GAN: variants seen among roughly 807,000 people sequenced by gnomAD.
GAN encodes the protein epididymis secretory sperm binding protein.
In GAN, 48 loss-of-function variants were observed where a neutral mutation model predicts 71.3. The observed-to-expected ratio is 0.67, with a 90% CI of 0.53 to 0.86. The LOEUF (loss-of-function observed/expected upper bound fraction) is 0.86. Ranked by LOEUF, GAN falls within the 40% of genes least tolerant of loss-of-function variation. The probability of loss-of-function intolerance (pLI) is 0.00; values close to 1 mark genes in which losing one functional copy is unlikely to be tolerated. For synonymous variants in GAN, 386 were observed against 276.8 expected, an observed-to-expected ratio of 1.39 and a Z score of -3.92; for missense variants, 928 against 770.1, an observed-to-expected ratio of 1.21 and a Z score of -2.43.
chr16:81,336,577 C>T (rs1909769085), intron 1 of GAN, among the ~76,000 whole-genome samples: 2 of 152,152 alleles, frequency 1.3e-5, no homozygotes, highest in East Asian at 3.9e-4. Flanking sequence ...GATCCTCCCA[C>T]CTCAGCCTCT....
Position 81,351,822 on chromosome 16 carries a change from T to C in GAN, c.282+125T>C, listed in dbSNP as rs180907193. 34 of 722,194 alleles carry C rather than the reference T, an allele frequency of 4.7e-5. No individual in the cohort carries two copies. The Admixed American group carries it at 5.4e-4, about 11-fold the overall frequency. The allele number at this position is 722,194 out of a possible 1,614,324, so 44.7% of individuals were successfully genotyped here. A position where few individuals can be genotyped will look rare whatever the true frequency, so the allele number is the denominator to read the frequency against. On this transcript the variant is annotated intron_variant, in intron 2 of 10. Coordinates refer to ENST00000648994, the MANE Select transcript of GAN (RefSeq NM_022041.4). ...TCTTCATCTTCTGTCACTGTGTGCA[T>C]TGACTGACATTTCCTACTGGTAATG... is the stretch of plus-strand genomic sequence containing the variant.
At chr16:81,364,275 T>G (rs1322509942) in intron 7 of GAN, among the ~76,000 whole-genome samples, 1 of 152,154 alleles carries the variant, frequency 6.6e-6, no homozygotes, top group African/African-American at 2.4e-5. Flanking sequence ...TCTCTCTCTT[T>G]CCTTTTGTTG....
rs1436473151 is a variant in GAN at position 81,377,617 on chromosome 16, C to T, written c.*21C>T. ...CTTGAGGAGGAAGCAGAGCAGAGTG[C>T]GAGATCCTGACCCAAGAGCACCATA... is the stretch of plus-strand genomic sequence containing the variant. On this transcript the variant is annotated 3_prime_UTR_variant, in exon 11 of 11. Transcript: ENST00000648994. 1.0e-5 allele frequency: 16 copies of T among 1,606,650 alleles called. No individual in the cohort carries two copies. The highest frequency in any genetic ancestry group is 5.5e-5 in the South Asian group (5 of 90,908).
chr16:81,334,908 C>A (rs16955063), intron 1 of GAN, among the ~76,000 whole-genome samples: 1 of 151,964 alleles, frequency 6.6e-6, no homozygotes, highest in Non-Finnish European at 1.5e-5. Context: ...AGTGCCTGGT[C>A]AGTACCATTT....
Position 81,377,442 on chromosome 16 carries a change from T to G in GAN, c.1640T>G (p.Phe547Cys). ...TGTNYDYVRE[F>C]KRSTGTWHHT... The stretch of plus-strand genomic sequence containing the variant: ...ACCAATTACGACTACGTGCGTGAGT[T>G]TAAAAGAAGCACAGGAACCTGGCAC... Residue 547 changes from phenylalanine to cysteine, a missense_variant, in exon 11 of 11, where the codon TTT becomes TGT. Transcript: ENST00000648994. The G allele has an allele frequency of 6.2e-7, 1 of 1,614,126 alleles. No homozygotes were observed. Among genetic ancestry groups the G allele is most frequent in the Non-Finnish European group, 8.5e-7 (1 of 1,179,996 alleles).
chr16:81,319,695 G>A (rs1313625557), intron 1 of GAN, among the ~76,000 whole-genome samples: 1 of 152,120 alleles, frequency 6.6e-6, no homozygotes, highest in Non-Finnish European at 1.5e-5. Flanking sequence ...AAGAATGTAA[G>A]TGGCTTCCCC....
chr16:81,372,184 C>A (rs981410052), intron 9 of GAN, among the ~76,000 whole-genome samples: 2 of 152,174 alleles, frequency 1.3e-5, no homozygotes, highest in Non-Finnish European at 2.9e-5. Context: ...TCTGAGTTAC[C>A]AGAGGGTGCA....
intron 5 of GAN, among the ~76,000 whole-genome samples, chr16:81,359,778 C>G (rs1423037404): frequency 6.6e-6 from 1 of 152,076 alleles, no homozygotes; most frequent in Non-Finnish European, 1.5e-5. Context: ...TACATCCATA[C>G]CCATGATAAA....
At chr16:81,367,350 C>A (rs1300779959) in intron 9 of GAN, among the ~76,000 whole-genome samples, 1 of 151,784 alleles carries the variant, frequency 6.6e-6, no homozygotes, top group Non-Finnish European at 1.5e-5. Flanking sequence ...TGGTGAAACC[C>A]TGTCTCTACT....
chr16:81,377,444 A>G lies in GAN; in HGVS notation c.1642A>G (p.Lys548Glu). ...GTNYDYVREF[K>E]RSTGTWHHTK... is the part of the protein sequence containing the mutation. Reference sequence around the variant, plus strand: ...CAATTACGACTACGTGCGTGAGTTTAAAAGAAGCACAGGAACCTGGCACCA... The same window carrying G: ...CAATTACGACTACGTGCGTGAGTTTGAAAGAAGCACAGGAACCTGGCACCA... The change falls in exon 11 of 11, where the codon AAA (lysine) becomes GAA (glutamate). Residue 548 changes from lysine (K) to glutamate (E), a missense_variant. By Grantham distance (56) the Lys-to-Glu change is moderately conservative. Transcript: ENST00000648994. The G allele has an allele frequency of 6.2e-7, 1 of 1,614,104 alleles. No homozygotes were observed. Among genetic ancestry groups the G allele is most frequent in the Non-Finnish European group, 8.5e-7 (1 of 1,179,940 alleles).
intron 5 of GAN, 145 bp downstream of exon 5, chr16:81,358,076 C>T (rs542217669): frequency 3.7e-5 from 28 of 754,182 alleles, no homozygotes; most frequent in African/African-American, 3.7e-4. Flanking sequence ...CTTCTGAGAC[C>T]GTGGTTAGGA....
In GAN at chr16:81,380,572, T is replaced by A. The variant is rs1415853267; in HGVS notation, c.*2976T>A. On this transcript the variant is annotated 3_prime_UTR_variant, in exon 11 of 11. Transcript: ENST00000648994. ...GAGAGATGAATGAGTGAGTTGTACGTGTGTGTGTGATGCTATTTGACCTGA... is the reference window on the plus strand; with the variant it reads ...GAGAGATGAATGAGTGAGTTGTACGAGTGTGTGTGATGCTATTTGACCTGA... 1 of 152,134 alleles carries A rather than the reference T, an allele frequency of 6.6e-6. No homozygotes were observed. Among genetic ancestry groups the A allele is most frequent in the African/African-American group, 2.4e-5 (1 of 41,426 alleles). 9.4% of individuals were successfully genotyped at this position (152,134 alleles called of 1,614,324 possible).
chr16:81,315,337 G>A, intron 1 of GAN, 57 bp downstream of exon 1: 4 of 1,286,528 alleles, frequency 3.1e-6, no homozygotes, highest in Non-Finnish European at 4.0e-6. Flanking sequence ...CCGGAGGCGG[G>A]GCGGCCGGGC....
chr16:81,355,643 G>A (rs1910462075), intron 3 of GAN, among the ~76,000 whole-genome samples: 1 of 152,180 alleles, frequency 6.6e-6, no homozygotes, highest in Non-Finnish European at 1.5e-5. Context: ...GATTACAAGT[G>A]TGAACCACCA....
At chr16:81,321,253 G>A (rs12447469) in intron 1 of GAN, among the ~76,000 whole-genome samples, 63,163 of 151,764 alleles carry the variant, frequency 0.42, 14,095 homozygotes, top group Non-Finnish European at 0.51. Flanking sequence ...GGGAAGTGTG[G>A]GGTGTTCAGA....
At chr16:81,318,458 T>A (rs909009022) in intron 1 of GAN, among the ~76,000 whole-genome samples, 11 of 152,072 alleles carry the variant, frequency 7.2e-5, no homozygotes, top group African/African-American at 2.7e-4. Context: ...AGGTCAGGAG[T>A]TCGAGACTAG....
intron 1 of GAN, among the ~76,000 whole-genome samples, chr16:81,333,831 G>A (rs1230586158): frequency 1.3e-5 from 2 of 152,166 alleles, no homozygotes; most frequent in Admixed American, 6.5e-5. Flanking sequence ...CGTTGTAGCT[G>A]TCCCTCTAGG....
chr16:81,324,796 ATTTG>A (rs770141969), intron 1 of GAN, among the ~76,000 whole-genome samples: 131 of 152,216 alleles, frequency 8.6e-4, no homozygotes, highest in Non-Finnish European at 1.5e-3. Context: ...AAAGAGGAAT[ATTTG>A]TTTGTGTATT....
chr16:81,342,448 A>C (rs1346742627), intron 1 of GAN, among the ~76,000 whole-genome samples: 1 of 152,248 alleles, frequency 6.6e-6, no homozygotes, highest in Non-Finnish European at 1.5e-5. Context: ...ACCACAGTGC[A>C]ATCAAATTAG....
Sources: allele counts gnomAD v4.1 joint callset (sites outside exome capture counted in the v4.1 genomes callset), GRCh38; gene constraint gnomAD v4.1.1; transcripts MANE v1.5; gene names NCBI Gene and HGNC (gene_info 2026-07-23, HGNC 2026-07-21).